Variants in FUT8 observed in about 807,000 individuals in gnomAD.
The protein encoded by FUT8 is alpha-(1,6)-fucosyltransferase.
A neutral mutation model predicts 71.3 loss-of-function variants in FUT8; 29 were observed. The ratio of observed to expected loss-of-function variants is 0.41; its 90% CI spans 0.30 to 0.55. The LOEUF (loss-of-function observed/expected upper bound fraction) is 0.55. FUT8 is among the 20% of genes least tolerant of loss of function. FUT8 has a pLI of 0.34. For synonymous variants in FUT8, 254 were observed against 239.3 expected (o/e 1.06, Z -0.57); for missense variants, 544 against 702.1 (o/e 0.77, Z 2.55).
chr14:65,693,397 C>G (rs977442871), intron 7 of FUT8, among the ~76,000 whole-genome samples: 2 of 152,174 alleles, frequency 1.3e-5, no homozygotes, highest in African/African-American at 4.8e-5. Flanking sequence ...ATCGCAGGCA[C>G]TCGGCAGGCT....
chr14:65,635,281 C>T (rs117208028), intron 6 of FUT8, among the ~76,000 whole-genome samples: 1,815 of 152,232 alleles, frequency 0.012, 14 homozygotes, highest in South Asian at 0.024. Context: ...ATCATATCGT[C>T]AGCAAACAGT....
Position 65,616,201 on chromosome 14 carries a change from T to A in FUT8, c.320-10T>A. ...TGGAAATGCTACAACTCTCTATTCT[T>A]TGACTACAGGTCTGGGGAAGGATCA... On this transcript the variant is annotated splice_polypyrimidine_tract_variant and intron_variant, in intron 4 of 10. Transcript: ENST00000673929. 1 of 1,599,674 alleles carries A rather than the reference T, an allele frequency of 6.3e-7. No homozygotes were observed. The highest frequency in any genetic ancestry group is 8.5e-7 in the Non-Finnish European group (1 of 1,173,938).
At chr14:65,364,886 T>G in the FUT8 span, among the ~76,000 whole-genome samples, 1 of 152,306 alleles carries the variant, frequency 6.6e-6, no homozygotes, top group African/African-American at 2.4e-5. Context: ...TGGGCCACAC[T>G]GGATTGCACA....
At chr14:65,650,744 A>G (rs756901186) in intron 6 of FUT8, among the ~76,000 whole-genome samples, 7 of 151,168 alleles carry the variant, frequency 4.6e-5, no homozygotes, top group Non-Finnish European at 1.0e-4. Context: ...AAAAACCACA[A>G]ACTTGTAATT....
At chr14:65,741,568 TA>T (rs904566812) in intron 10 of FUT8, among the ~76,000 whole-genome samples, 5 of 150,920 alleles carry the variant, frequency 3.3e-5, no homozygotes, top group African/African-American at 9.7e-5. Flanking sequence ...AAGTATAATT[TA>T]AAAAAAAAGA....
At chr14:65,587,492 T>A (rs1395499341) in intron 3 of FUT8, among the ~76,000 whole-genome samples, 1 of 152,224 alleles carries the variant, frequency 6.6e-6, no homozygotes, top group Non-Finnish European at 1.5e-5. Context: ...AGCCACAGTG[T>A]GTCACAAAGA....
the FUT8 span, among the ~76,000 whole-genome samples, chr14:65,367,871 A>G: frequency 2.6e-5 from 4 of 151,872 alleles, no homozygotes; most frequent in Non-Finnish European, 5.9e-5. Context: ...CACCTCTCCA[A>G]TCCCATTTCT....
chr14:65,406,494 TTTTC>T (rs2065089423), upstream of FUT8, among the ~76,000 whole-genome samples: 3 of 152,096 alleles, frequency 2.0e-5, no homozygotes, highest in South Asian at 2.1e-4. Flanking sequence ...GCAGGGCTTG[TTTTC>T]TTTTTCTTTT....
chr14:65,678,114 A>C (rs748175637), intron 7 of FUT8, among the ~76,000 whole-genome samples: 4 of 152,246 alleles, frequency 2.6e-5, no homozygotes, highest in Non-Finnish European at 4.4e-5. Context: ...TATATATTCT[A>C]AATCACCATA....
intron 5 of FUT8, among the ~76,000 whole-genome samples, chr14:65,628,371 G>T (rs950140900): frequency 2.6e-5 from 4 of 152,184 alleles, no homozygotes; most frequent in African/African-American, 9.7e-5. Context: ...AACATTATTT[G>T]TTGATGTTGT....
At chr14:65,537,957 G>T (rs974209488) in intron 2 of FUT8, among the ~76,000 whole-genome samples, 1 of 152,196 alleles carries the variant, frequency 6.6e-6, no homozygotes, top group African/African-American at 2.4e-5. Flanking sequence ...TTGTTCGCAT[G>T]TGCCAGCGGC....
chr14:65,566,397 G>A (rs1005217148), intron 3 of FUT8, among the ~76,000 whole-genome samples: 2 of 151,950 alleles, frequency 1.3e-5, no homozygotes, highest in East Asian at 1.9e-4. Flanking sequence ...ATGTGTAACC[G>A]CATTTAACCT....
intron 2 of FUT8, among the ~76,000 whole-genome samples, chr14:65,549,838 TCCTGAGA>T (rs1885188137): frequency 6.6e-6 from 1 of 152,102 alleles, no homozygotes; most frequent in Non-Finnish European, 1.5e-5. Flanking sequence ...CTGAAGGAAT[TCCTGAGA>T]CTGGGTACTT....
chr14:65,412,151 G>T (rs2065137786), upstream of FUT8: 1 of 456,610 alleles, frequency 2.2e-6, no homozygotes, highest in Non-Finnish European at 4.4e-6. Flanking sequence ...TTCTCTTCGA[G>T]TGAATGTGGA....
intron 6 of FUT8, among the ~76,000 whole-genome samples, chr14:65,651,677 T>C (rs967582513): frequency 6.6e-6 from 1 of 152,050 alleles, no homozygotes; most frequent in East Asian, 1.9e-4. Flanking sequence ...AAATAGAAAG[T>C]GTCACCAAAG....
the FUT8 span, among the ~76,000 whole-genome samples, chr14:65,383,752 G>C: frequency 1.3e-5 from 2 of 152,226 alleles, no homozygotes; most frequent in African/African-American, 4.8e-5. Context: ...CTTTGATTAG[G>C]ACTGGTTTCA....
intron 8 of FUT8, 105 bp downstream of exon 8, chr14:65,722,126 T>C (rs1895448409): frequency 5.1e-6 from 7 of 1,382,130 alleles, no homozygotes; most frequent in Non-Finnish European, 6.9e-6. Flanking sequence ...ATTTTTATAG[T>C]CCCACCAAAG....
intron 3 of FUT8, among the ~76,000 whole-genome samples, chr14:65,570,043 T>G (rs1958561): frequency 0.36 from 54,036 of 151,960 alleles, 11,945 homozygotes; most frequent in Non-Finnish European, 0.5. Context: ...TCTTGCTCCA[T>G]GTAGCATCTA....
At chr14:65,605,986 A>G (rs1220608492) in intron 3 of FUT8, among the ~76,000 whole-genome samples, 2 of 151,710 alleles carry the variant, frequency 1.3e-5, no homozygotes, top group South Asian at 2.1e-4. Context: ...TAAAATCTAT[A>G]TAATAATCCT....
Sources: gnomAD v4.1 joint callset for allele counts (sites outside exome capture counted in the v4.1 genomes callset) on GRCh38, gnomAD v4.1.1 for gene constraint, MANE v1.5 for transcripts, NCBI Gene and HGNC (gene_info 2026-07-23, HGNC 2026-07-21) for gene names.